The following PARP4 variants were observed in gnomAD, a reference collection of about 807,000 sequenced individuals.
PARP4 encodes protein mono-ADP-ribosyltransferase PARP4.
A neutral mutation model predicts 187.7 loss-of-function variants in PARP4; 120 were observed. The observed-to-expected ratio is 0.64, with a 90% CI of 0.55 to 0.74. The LOEUF is 0.74. PARP4 is among the 30% of genes least tolerant of loss of function. The pLI, the probability that PARP4 is intolerant of heterozygous loss-of-function variation, is 0.00. For synonymous variants in PARP4, 654 were observed against 740.9 expected (o/e 0.88, Z 1.90); for missense variants, 1,836 against 2,070.5 (o/e 0.89, Z 2.20).
intron 1 of PARP4, among the ~76,000 whole-genome samples, chr13:24,505,809 T>C (rs1245457715): frequency 6.6e-6 from 1 of 152,236 alleles, no homozygotes; most frequent in Non-Finnish European, 1.5e-5. Flanking sequence ...TAAGCTGCCA[T>C]TTGGCGACAG....
At chr13:24,453,004 G>A (rs988709688) in intron 23 of PARP4, among the ~76,000 whole-genome samples, 4 of 151,848 alleles carry the variant, frequency 2.6e-5, no homozygotes, top group Admixed American at 2.0e-4. Context: ...GCACAATCTC[G>A]GCTCACTGCA....
chr13:24,466,006 GCT>G (rs1872447910), intron 17 of PARP4, among the ~76,000 whole-genome samples: 2 of 152,094 alleles, frequency 1.3e-5, no homozygotes, highest in Admixed American at 6.6e-5. Context: ...CTAAAGCAGT[GCT>G]GACCAATGTA....
rs758300975 is a variant in PARP4, at chr13:24,490,685, A to G, written c.1197T>C (p.Val399=). Reference sequence around the variant, plus strand: ...ATGCTTACCTGTGATGATTCTGCAAAACCTCTTTTCTAACCCTGAGAAATT... The same window carrying G: ...ATGCTTACCTGTGATGATTCTGCAAGACCTCTTTTCTAACCCTGAGAAATT... ...TEEFLRVRKE[V]LQNHHSKSPV... The change falls in exon 10 of 34, where the codon GTT becomes GTC. Residue 399 remains valine (V), a synonymous_variant. Coordinates refer to ENST00000381989, the MANE Select transcript of PARP4 (RefSeq NM_006437.4). 12 of 1,613,670 alleles carry G rather than the reference A, an allele frequency of 7.4e-6. No homozygotes were observed. The highest frequency in any genetic ancestry group is 1.0e-5 in the Non-Finnish European group (12 of 1,179,718).
At chr13:24,433,750 C>A (rs1172674634) in intron 31 of PARP4, among the ~76,000 whole-genome samples, 3 of 80,544 alleles carry the variant, frequency 3.7e-5, no homozygotes, top group Non-Finnish European at 6.9e-5. Flanking sequence ...ACCTGACTTG[C>A]CCCAAATCAC....
In PARP4 at chr13:24,475,561, T is replaced by C; in HGVS notation, c.1825A>G (p.Thr609Ala). The C allele has an allele frequency of 6.2e-7, 1 of 1,614,158 alleles. No individual in the cohort carries two copies. The highest frequency in any genetic ancestry group is 8.5e-7 in the Non-Finnish European group (1 of 1,179,980). The change falls in exon 15 of 34, where the codon ACC (threonine) becomes GCC (alanine). Residue 609 changes from threonine (T) to alanine (A), a missense_variant. Physicochemically the swap from Thr to Ala is moderately conservative, Grantham distance 58. Transcript: ENST00000381989. ...QLPDAKTSSS[T>A]KAGLQDASGN... ...GAGGCATCCTGGAGGCCGGCCTTGGTGCTGCTGGAAGTTTTGGCATCTGGT... is the reference window on the plus strand; with the variant it reads ...GAGGCATCCTGGAGGCCGGCCTTGGCGCTGCTGGAAGTTTTGGCATCTGGT...
intron 33 of PARP4, among the ~76,000 whole-genome samples, chr13:24,424,838 ATTTT>A (rs377486554): frequency 2.3e-4 from 33 of 146,164 alleles, no homozygotes; most frequent in Admixed American, 3.4e-4. Context: ...CACCTGGCGA[ATTTT>A]TTTTTTTTTT....
chr13:24,444,179 A>T (rs907207053), intron 27 of PARP4, among the ~76,000 whole-genome samples: 3 of 152,266 alleles, frequency 2.0e-5, no homozygotes, highest in Non-Finnish European at 4.4e-5. Context: ...TTCCTCTCCA[A>T]CAACTGAGAG....
chr13:24,429,487 G>T (rs569457228), intron 32 of PARP4, among the ~76,000 whole-genome samples: 1 of 152,186 alleles, frequency 6.6e-6, no homozygotes, highest in South Asian at 2.1e-4. Context: ...TAGGTCCTGT[G>T]TAGGCTTTGT....
chr13:24,505,136 A>G (rs1869548165), intron 1 of PARP4, among the ~76,000 whole-genome samples: 1 of 149,824 alleles, frequency 6.7e-6, no homozygotes. Flanking sequence ...AGGGTTAAAG[A>G]AAGACACACA....
At chr13:24,465,910 A>G (rs1166353264) in intron 17 of PARP4, among the ~76,000 whole-genome samples, 1 of 152,216 alleles carries the variant, frequency 6.6e-6, no homozygotes, top group Non-Finnish European at 1.5e-5. Context: ...AATGTAATGT[A>G]TTCTGGTTGT....
At chr13:24,465,263 T>C (rs149807049) in intron 17 of PARP4, among the ~76,000 whole-genome samples, 292 of 152,286 alleles carry the variant, frequency 1.9e-3, no homozygotes, top group Middle Eastern at 6.8e-3. Context: ...AGAAATACCA[T>C]TTGACCCACC....
At chr13:24,431,246 A>G (rs1870317954) in intron 32 of PARP4, 131 bp downstream of exon 32, 2 of 580,412 alleles carry the variant, frequency 3.4e-6, no homozygotes, top group Admixed American at 7.3e-5. Flanking sequence ...GTTAAATATA[A>G]TTCCATTCGA....
intron 17 of PARP4, among the ~76,000 whole-genome samples, chr13:24,465,513 C>T (rs1288007980): frequency 1.3e-5 from 2 of 152,070 alleles, no homozygotes; most frequent in Non-Finnish European, 1.5e-5. Context: ...CACAAACTAA[C>T]ACAGGAACAG....
At chr13:24,477,581 G>A (rs1873049322) in intron 14 of PARP4, 120 bp downstream of exon 14, 5 of 632,054 alleles carry the variant, frequency 7.9e-6, no homozygotes, top group East Asian at 3.1e-5. Context: ...GAAAGGAAAT[G>A]AAATACTTAT....
At chr13:24,467,151 C>T (rs1872516950) in intron 17 of PARP4, among the ~76,000 whole-genome samples, 1 of 152,196 alleles carries the variant, frequency 6.6e-6, no homozygotes, top group African/African-American at 2.4e-5. Flanking sequence ...GTCTTGGAAA[C>T]ACTGCCATTT....
chr13:24,424,209 T>TA (rs1869902007), intron 33 of PARP4, among the ~76,000 whole-genome samples: 1 of 152,228 alleles, frequency 6.6e-6, no homozygotes, highest in South Asian at 2.1e-4. Context: ...ATTTCTTTAA[T>TA]ATCATAAAAT....
chr13:24,488,107 G>GT (rs970285429), intron 10 of PARP4, among the ~76,000 whole-genome samples: 7 of 152,228 alleles, frequency 4.6e-5, no homozygotes, highest in African/African-American at 1.7e-4. Flanking sequence ...GACTGCTTTT[G>GT]TACTTAGGGG....
chr13:24,425,567 GTGTATATC>G (rs79715863), intron 33 of PARP4, among the ~76,000 whole-genome samples: 4,683 of 142,022 alleles, frequency 0.033, 96 homozygotes, highest in South Asian at 0.057. Flanking sequence ...GTGTGTGTGT[GTGTATATC>G]TATATCTATA....
In PARP4 at chr13:24,469,049, G is replaced by A. The variant is rs1872620246; in HGVS notation, c.2108C>T (p.Ala703Val). 2 of 1,613,822 alleles carry A rather than the reference G, an allele frequency of 1.2e-6. No homozygotes were observed. The highest frequency in any genetic ancestry group is 1.7e-6 in the Non-Finnish European group (2 of 1,179,710). The stretch of plus-strand genomic sequence containing the variant: ...CGGAGCATCCTGACTCATCAGGTAA[G>A]CGCCATGGCCCTGGGTCACGGCTTC... The part of the protein sequence containing the change: ...YLEAVTQGHG[A>V]YLMSQDAPDV... The change falls in exon 17 of 34, where the codon GCT becomes GTT. Residue 703 changes from alanine (A) to valine (V), a missense_variant. Physicochemically the swap from Ala to Val is moderately conservative, Grantham distance 64. Around this residue, in one of 8 missense-constraint regions of PARP4, gnomAD observed 1,147 missense variants for 1,214.2 expected, o/e 0.94. Coordinates refer to ENST00000381989, the MANE Select transcript of PARP4 (RefSeq NM_006437.4).
Sources: gnomAD v4.1 joint callset for allele counts (sites outside exome capture counted in the v4.1 genomes callset) on GRCh38, gnomAD v4.1.1 for gene constraint, gnomAD v4.1.1 regional missense constraint, MANE v1.5 for transcripts, NCBI Gene and HGNC (gene_info 2026-07-23, HGNC 2026-07-21) for gene names.